The following CEP128 variants were observed in gnomAD, a reference collection of about 807,000 sequenced individuals.
CEP128 encodes centrosomal protein 128.
CEP128 carries 132 observed loss-of-function variants against 156.7 expected under a neutral mutation model. The ratio of observed to expected loss-of-function variants is 0.84; its 90% CI spans 0.73 to 0.97. The LOEUF (loss-of-function observed/expected upper bound fraction) is 0.97, where lower values mean the gene tolerates loss of function less well. Ranked by LOEUF, CEP128 falls within the 50% of genes least tolerant of loss-of-function variation. The pLI, the probability that CEP128 is intolerant of heterozygous loss-of-function variation, is 0.00. For synonymous variants in CEP128, 469 were observed against 448.9 expected (o/e 1.04, Z -0.57); for missense variants, 1,252 against 1,281.9 (o/e 0.98, Z 0.36).
At chr14:80,696,851 A>G (rs1896908768) in intron 19 of CEP128, among the ~76,000 whole-genome samples, 1 of 152,210 alleles carries the variant, frequency 6.6e-6, no homozygotes, top group Admixed American at 6.5e-5. Flanking sequence ...CCTAGATGGA[A>G]TATAAAATTC....
intron 23 of CEP128, among the ~76,000 whole-genome samples, chr14:80,514,463 C>T (rs796922996): frequency 6.6e-6 from 1 of 152,048 alleles, no homozygotes; most frequent in African/African-American, 2.4e-5. Flanking sequence ...TGTCTTTAAA[C>T]CCACTAATTG....
chr14:80,723,027 C>T lies in CEP128; in HGVS notation c.2806+20048G>A, dbSNP rs187409290. Among the ~76,000 whole-genome samples, 628 of 151,998 alleles carry T rather than the reference C, an allele frequency of 4.1e-3. 8 individuals carry two copies. Among genetic ancestry groups the T allele is most frequent in the African/African-American group, 0.015 (613 of 41,470 alleles). ...ATTTTTAGTAGAGACGGGGATTCAC[C>T]GTGTTAGCCAGGATGGTCTTAATCT... On this transcript the variant is annotated intron_variant, in intron 19 of 24. Transcript: ENST00000555265.
intron 19 of CEP128, among the ~76,000 whole-genome samples, chr14:80,647,106 T>TACACAC (rs764189879): frequency 5.4e-5 from 4 of 74,436 alleles, no homozygotes; most frequent in African/African-American, 2.0e-4. Context: ...TAAATACACA[T>TACACAC]ACACACACAC....
chr14:80,898,691 T>A lies in CEP128; in HGVS notation c.572+1247A>T, dbSNP rs145165937. 5.9e-5 allele frequency among the ~76,000 whole-genome samples: 9 copies of A among 152,334 alleles called. No individual in the cohort carries two copies. In the East Asian group the frequency reaches 1.5e-3, roughly 26 times the overall value. ...GTAATAAAGCCATTCCTACAATACATTAAAGTGTTAATGTCATTTTGTTAA... is the reference window on the plus strand; with the variant it reads ...GTAATAAAGCCATTCCTACAATACAATAAAGTGTTAATGTCATTTTGTTAA... On this transcript the variant is annotated intron_variant, in intron 7 of 24. Transcript: ENST00000555265.
chr14:80,951,735 A>C (rs1268315785), intron 2 of CEP128, among the ~76,000 whole-genome samples: 1 of 152,102 alleles, frequency 6.6e-6, no homozygotes. Context: ...TGAAAGCAAG[A>C]CCCAACTCTA....
At chr14:80,608,631 T>C (rs1036629579) in intron 19 of CEP128, among the ~76,000 whole-genome samples, 7 of 152,164 alleles carry the variant, frequency 4.6e-5, no homozygotes, top group African/African-American at 1.7e-4. Flanking sequence ...CACTAAACTA[T>C]TTGCAGCTCT....
intron 13 of CEP128, among the ~76,000 whole-genome samples, chr14:80,798,497 CAA>C (rs1265015261): frequency 6.6e-6 from 1 of 152,112 alleles, no homozygotes; most frequent in Non-Finnish European, 1.5e-5. Flanking sequence ...TCATTGTGTC[CAA>C]AGTTTTAATT....
At chr14:80,535,985 G>A (rs1889466820) in intron 21 of CEP128, among the ~76,000 whole-genome samples, 1 of 152,288 alleles carries the variant, frequency 6.6e-6, no homozygotes, top group South Asian at 2.1e-4. Flanking sequence ...AGATGTGTTT[G>A]GCTATCTGTT....
rs1180169266 is a variant in CEP128, at chr14:80,955,515, C to T, written c.-172+2663G>A. Reference sequence around the variant, plus strand: ...GGAGCACTTAAGTGCCTCTTTTTCCCCTTCTCCAGCCTCCTCCACAGTGGT... The same window carrying T: ...GGAGCACTTAAGTGCCTCTTTTTCCTCTTCTCCAGCCTCCTCCACAGTGGT... On this transcript the variant is annotated intron_variant, in intron 2 of 7. Transcript: ENST00000555529. 3 of 808,418 alleles carry T rather than the reference C, an allele frequency of 3.7e-6. No homozygotes were observed. Among genetic ancestry groups the T allele is most frequent in the African/African-American group, 3.4e-5 (2 of 58,746 alleles). The allele number at this position is 808,418 out of a possible 1,614,324, so 50.1% of individuals were successfully genotyped here.
chr14:80,629,806 A>C (rs1293800773), intron 19 of CEP128, among the ~76,000 whole-genome samples: 1 of 151,992 alleles, frequency 6.6e-6, no homozygotes, highest in Non-Finnish European at 1.5e-5. Flanking sequence ...TTTGAGTCAC[A>C]TATTTCTGGG....
At chr14:80,889,788 A>T (rs980213225) in intron 8 of CEP128, among the ~76,000 whole-genome samples, 1 of 152,230 alleles carries the variant, frequency 6.6e-6, no homozygotes, top group Non-Finnish European at 1.5e-5. Flanking sequence ...GATCTAATTA[A>T]ACTAAAGAGC....
chr14:80,662,472 A>T (rs1035532820), intron 19 of CEP128, among the ~76,000 whole-genome samples: 3 of 152,140 alleles, frequency 2.0e-5, no homozygotes, highest in Admixed American at 6.6e-5. Flanking sequence ...AGTTTTTGCA[A>T]GAGTGAAGAC....
At chr14:80,582,736 CAGTT>C (rs901009761) in intron 19 of CEP128, among the ~76,000 whole-genome samples, 2 of 152,096 alleles carry the variant, frequency 1.3e-5, no homozygotes, top group African/African-American at 4.8e-5. Flanking sequence ...CATCTGGTTT[CAGTT>C]AACTGTGTCC....
intron 19 of CEP128, among the ~76,000 whole-genome samples, chr14:80,703,793 A>G (rs1031299): frequency 0.28 from 42,622 of 151,932 alleles, 6,223 homozygotes; most frequent in Non-Finnish European, 0.33. Context: ...GTGTGTGTGT[A>G]TATGTGTATG....
intron 3 of CEP128, among the ~76,000 whole-genome samples, chr14:80,914,951 T>C (rs371281589): frequency 1.8e-4 from 27 of 152,320 alleles, no homozygotes; most frequent in Middle Eastern, 3.4e-3. Flanking sequence ...CAAAAATATA[T>C]ACTTATTAAT....
intron 8 of CEP128, among the ~76,000 whole-genome samples, chr14:80,893,456 T>C (rs1439594196): frequency 2.0e-5 from 3 of 150,108 alleles, no homozygotes; most frequent in Admixed American, 6.7e-5. Context: ...GTACTATATA[T>C]GGGATTCATG....
chr14:80,748,009 T>C (rs986161953), intron 18 of CEP128, among the ~76,000 whole-genome samples: 6 of 152,182 alleles, frequency 3.9e-5, no homozygotes, highest in African/African-American at 1.2e-4. Context: ...AATTAACGAA[T>C]TGTATGATAT....
chr14:80,670,812 AAAAAT>A (rs1176564818), intron 19 of CEP128, among the ~76,000 whole-genome samples: 1 of 152,186 alleles, frequency 6.6e-6, no homozygotes, highest in Non-Finnish European at 1.5e-5. Flanking sequence ...AAAAAGAAAT[AAAAAT>A]AAATGTTGAA....
At chr14:80,676,141 C>T (rs1896050609) in intron 19 of CEP128, among the ~76,000 whole-genome samples, 2 of 152,084 alleles carry the variant, frequency 1.3e-5, no homozygotes, top group South Asian at 4.1e-4. Flanking sequence ...GGCTCATTTT[C>T]AAAGAGCTGA....
Sources: gnomAD v4.1 joint callset for allele counts (sites outside exome capture counted in the v4.1 genomes callset) on GRCh38, gnomAD v4.1.1 for gene constraint, MANE v1.5 for transcripts, NCBI Gene and HGNC (gene_info 2026-07-23, HGNC 2026-07-21) for gene names.